Variants in PDZD2 observed in about 807,000 individuals in gnomAD.
The protein encoded by PDZD2 is PDZ domain-containing protein 2.
A neutral mutation model predicts 220.7 loss-of-function variants in PDZD2; 90 were observed. The ratio of observed to expected loss-of-function variants is 0.41; its 90% CI spans 0.34 to 0.49. The LOEUF (loss-of-function observed/expected upper bound fraction) is 0.49, where lower values mean the gene tolerates loss of function less well. Among genes scored for constraint, PDZD2 ranks in the 20% least tolerant of loss-of-function variants. PDZD2 has a pLI of 0.28. For missense variants in PDZD2, 3,174 were observed against 3,608.5 expected (o/e 0.88, Z 3.08); for synonymous variants, 1,375 against 1,450.5 (o/e 0.95, Z 1.18).
intron 8 of PDZD2, among the ~76,000 whole-genome samples, chr5:32,050,592 A>T (rs1477216329): frequency 6.6e-6 from 1 of 152,130 alleles, no homozygotes; most frequent in African/African-American, 2.4e-5. Context: ...GGCCAAGGTG[A>T]GAGAATTGCC....
rs1346630029 is a variant in PDZD2 at position 32,051,524 on chromosome 5, T to C, written c.1666-1087T>C. ...CATAAAGTGATTTTTTTGGCTTAGG[T>C]AGAATATCTGCATCAGTGAAGAAGT... On this transcript the variant is annotated intron_variant, in intron 8 of 24. Transcript: ENST00000438447. Among the ~76,000 whole-genome samples, 3 of 152,214 alleles carry C rather than the reference T, an allele frequency of 2.0e-5. No individual in the cohort carries two copies. The East Asian group carries it at 5.8e-4, about 29-fold the overall frequency.
chr5:32,077,426 G>C (rs1741400341), intron 18 of PDZD2, 36 bp from the exon 19 acceptor site: 1 of 1,610,674 alleles, frequency 6.2e-7, no homozygotes, highest in East Asian at 2.2e-5. Context: ...AAGCCTGAAA[G>C]TTATTTCAAG....
At chr5:31,815,603 T>C (rs1755400886) in intron 2 of PDZD2, among the ~76,000 whole-genome samples, 1 of 152,286 alleles carries the variant, frequency 6.6e-6, no homozygotes, top group Non-Finnish European at 1.5e-5. Flanking sequence ...GTGCCTGAAT[T>C]CCTAAGGGAA....
At position 31,783,624 on chromosome 5, in the gene PDZD2, G is replaced by T. The variant is rs563421538; in HGVS notation, c.-360-15265G>T. On this transcript the variant is annotated intron_variant, in intron 1 of 24. Transcript: ENST00000438447. The stretch of plus-strand genomic sequence containing the variant: ...TGTTGGAAATGCTTCAGTGGAACCT[G>T]GTGGGTGGCAGGTAATGGCCATTTT... Among the ~76,000 whole-genome samples, 141 of 152,282 alleles carry T rather than the reference G, an allele frequency of 9.3e-4. 4 individuals are homozygous for T. In the South Asian group the frequency reaches 0.016, roughly 17 times the overall value.
At chr5:32,041,289 TGAG>T (rs1437341145) in intron 7 of PDZD2, among the ~76,000 whole-genome samples, 1 of 151,258 alleles carries the variant, frequency 6.6e-6, no homozygotes, top group Non-Finnish European at 1.5e-5. Flanking sequence ...GTCTGGGAAG[TGAG>T]GAGCATCTCT....
intron 1 of PDZD2, among the ~76,000 whole-genome samples, chr5:31,748,653 G>T (rs1456040383): frequency 6.6e-6 from 1 of 152,232 alleles, no homozygotes; most frequent in East Asian, 1.9e-4. Flanking sequence ...TTCCTGGCAA[G>T]GGGTGGGTGG....
At chr5:31,707,508 G>C (rs1747887680) in intron 1 of PDZD2, among the ~76,000 whole-genome samples, 1 of 152,106 alleles carries the variant, frequency 6.6e-6, no homozygotes, top group South Asian at 2.1e-4. Context: ...AAGCCTTCAG[G>C]ACTATGGAGG....
At chr5:31,846,914 T>C (rs1157608697) in intron 2 of PDZD2, among the ~76,000 whole-genome samples, 3 of 152,232 alleles carry the variant, frequency 2.0e-5, no homozygotes, top group African/African-American at 7.2e-5. Flanking sequence ...TAGGATAAAT[T>C]GTCCTAATGG....
intron 3 of PDZD2, 46 bp downstream of exon 3, chr5:31,983,702 G>A: frequency 6.4e-7 from 1 of 1,561,154 alleles, no homozygotes; most frequent in South Asian, 1.2e-5. Flanking sequence ...TTTATCGTGT[G>A]TGTTTGTTTG....
intron 1 of PDZD2, among the ~76,000 whole-genome samples, chr5:31,714,504 G>A (rs897964868): frequency 8.5e-5 from 13 of 152,162 alleles, no homozygotes; most frequent in Non-Finnish European, 1.8e-4. Flanking sequence ...ATGGGAATGG[G>A]AACAGGTGAT....
intron 1 of PDZD2, among the ~76,000 whole-genome samples, chr5:31,719,183 G>A (rs1399080264): frequency 6.6e-6 from 1 of 152,148 alleles, no homozygotes; most frequent in Non-Finnish European, 1.5e-5. Context: ...CAAATATTCA[G>A]GTGGCCAATA....
chr5:32,054,088 A>G (rs1738852349), intron 10 of PDZD2, among the ~76,000 whole-genome samples: 1 of 152,174 alleles, frequency 6.6e-6, no homozygotes, highest in African/African-American at 2.4e-5. Flanking sequence ...TGTCAGGATT[A>G]CATGAGATAA....
chr5:31,946,937 CAA>C (rs1746689681), intron 2 of PDZD2, among the ~76,000 whole-genome samples: 1 of 152,174 alleles, frequency 6.6e-6, no homozygotes, highest in African/African-American at 2.4e-5. Flanking sequence ...CTCCTGGCCT[CAA>C]GAGATCCTCT....
chr5:32,035,748 C>G (rs1465114149), intron 6 of PDZD2, among the ~76,000 whole-genome samples: 1 of 152,130 alleles, frequency 6.6e-6, no homozygotes, highest in East Asian at 1.9e-4. Context: ...AAATGCAAAT[C>G]AAGAAGCTTT....
intron 1 of PDZD2, among the ~76,000 whole-genome samples, chr5:31,755,599 A>G (rs1389914077): frequency 6.8e-6 from 1 of 146,724 alleles, no homozygotes; most frequent in Non-Finnish European, 1.5e-5. Context: ...TTTTTTTTTA[A>G]TCTTTAGGTG....
intron 2 of PDZD2, among the ~76,000 whole-genome samples, chr5:31,957,959 G>A (rs1351007265): frequency 6.6e-6 from 1 of 152,054 alleles, no homozygotes; most frequent in Non-Finnish European, 1.5e-5. Flanking sequence ...CTTTCATCTT[G>A]CCACCTAGAC....
Position 31,648,587 on chromosome 5 carries a change from GTCA to G in PDZD2, c.-361+9153_-361+9155del, listed in dbSNP as rs1201969709. The stretch of plus-strand genomic sequence containing the variant: ...ATCTCACCCCTGGACCCATGCTGCA[GTCA>G]TCTTCTAACCGGGCCACCTGAGGAC... On this transcript the variant is annotated intron_variant, in intron 1 of 24. Coordinates refer to ENST00000438447, the MANE Select transcript of PDZD2 (RefSeq NM_178140.4). Among the ~76,000 whole-genome samples, 11 of 152,228 alleles carry G rather than the reference GTCA, an allele frequency of 7.2e-5. No homozygotes were observed. In the East Asian group the frequency reaches 2.1e-3, roughly 29 times the overall value.
chr5:32,036,002 A>G (rs6450889), intron 6 of PDZD2, among the ~76,000 whole-genome samples: 84,995 of 151,938 alleles, frequency 0.56, 24,264 homozygotes, highest in South Asian at 0.63. Flanking sequence ...GGAGTGCAGT[A>G]GCGTGATCTC....
chr5:31,849,899 T>TAC (rs1397526819), intron 2 of PDZD2, among the ~76,000 whole-genome samples: 3 of 34,444 alleles, frequency 8.7e-5, no homozygotes, highest in African/African-American at 4.6e-4. Flanking sequence ...CACATATATA[T>TAC]ATATACATAT....
Sources: allele counts gnomAD v4.1 joint callset (sites outside exome capture counted in the v4.1 genomes callset), GRCh38; gene constraint gnomAD v4.1.1; transcripts MANE v1.5; gene names NCBI Gene and HGNC (gene_info 2026-07-23, HGNC 2026-07-21).